QRFPR: variants seen among roughly 807,000 people sequenced by gnomAD.
QRFPR encodes the protein pyroglutamylated RF-amide peptide receptor.
QRFPR carries 37 observed loss-of-function variants against 31.3 expected under a neutral mutation model. The observed-to-expected ratio is 1.18, with a 90% CI of 0.91 to 1.56. The LOEUF is 1.56. QRFPR is among the 40% of genes most tolerant of loss of function. The pLI is 0.00. For missense variants in QRFPR, 542 were observed against 532.5 expected (o/e 1.02, Z -0.18); for synonymous variants, 197 against 192.0 (o/e 1.03, Z -0.22).
intron 1 of QRFPR, among the ~76,000 whole-genome samples, 177 bp from the exon 2 acceptor site, chr4:121,340,787 C>A (rs949679173): frequency 2.6e-5 from 4 of 152,118 alleles, no homozygotes; most frequent in African/African-American, 7.2e-5. Flanking sequence ...TATCTTTCTC[C>A]CTCTAACTGA....
chr4:121,337,031 C>G (rs1725449342), intron 2 of QRFPR, among the ~76,000 whole-genome samples, 163 bp from the exon 3 acceptor site: 1 of 152,250 alleles, frequency 6.6e-6, no homozygotes, highest in Non-Finnish European at 1.5e-5. Context: ...TTTCACCATC[C>G]TCAAAACTGC....
intron 1 of QRFPR, among the ~76,000 whole-genome samples, chr4:121,374,334 G>C (rs1579592786): frequency 6.6e-6 from 1 of 152,076 alleles, no homozygotes; most frequent in East Asian, 1.9e-4. Context: ...ATATATAATA[G>C]CTATATTGAG....
Position 121,380,591 on chromosome 4 carries a change from G to T in QRFPR, c.57C>A (p.Asn19Lys), listed in dbSNP as rs1286826410. The T allele has an allele frequency of 6.2e-7, 1 of 1,605,264 alleles. No individual in the cohort carries two copies. Among genetic ancestry groups the T allele is most frequent in the East Asian group, 2.2e-5 (1 of 44,570 alleles). Residue 19 changes from asparagine to lysine, a missense_variant, in exon 1 of 6, where the codon AAC (asparagine) becomes AAA (lysine). Asn to Lys is a moderately conservative substitution (Grantham distance 94). Transcript: ENST00000394427. Reference protein sequence around the residue: ...EQFSRLLRDHNLTREQFIALY... With the variant: ...EQFSRLLRDHKLTREQFIALY... ...GAGCGATGAACTGCTCCCGCGTCAG[G>T]TTGTGGTCCCGCAGCAGCCGAGAGA...
chr4:121,355,811 T>G (rs1234021933), intron 1 of QRFPR, among the ~76,000 whole-genome samples: 3 of 152,148 alleles, frequency 2.0e-5, no homozygotes, highest in African/African-American at 7.2e-5. Flanking sequence ...AATTTCTTTA[T>G]TGATGCATTG....
At position 121,364,451 on chromosome 4, in the gene QRFPR, A is replaced by G. The variant is rs780651043; in HGVS notation, c.340+15857T>C. Among the ~76,000 whole-genome samples the G allele has an allele frequency of 5.5e-4, 82 of 149,632 alleles. 12 individuals carry two copies. The highest frequency in any genetic ancestry group is 1.8e-4 in the Non-Finnish European group (12 of 67,444). The stretch of plus-strand genomic sequence containing the variant: ...GGAGATCGAGACTATCTTAGCTAAC[A>G]TGGTGAACCCCTGTCTCTACTAAAA... On this transcript the variant is annotated intron_variant, in intron 1 of 5. Transcript: ENST00000394427.
intron 1 of QRFPR, among the ~76,000 whole-genome samples, chr4:121,359,755 G>GGGAGTGTATATATATATATA (rs1320193984): frequency 6.4e-5 from 9 of 140,548 alleles, no homozygotes; most frequent in African/African-American, 2.0e-4. Context: ...GTGTATATAT[G>GGGAGTGTATATATATATATA]GGAGTGTATA....
rs905895951 is a variant in QRFPR at position 121,363,557 on chromosome 4, C to T, written c.340+16751G>A. On this transcript the variant is annotated intron_variant, in intron 1 of 5. Transcript: ENST00000394427. ...ATACTGGACCCCAAATCTAGGCCAA[C>T]AAGGTTCCTTCTTTCTCTTTGGAAA... 3.3e-5 allele frequency among the ~76,000 whole-genome samples: 5 copies of T among 149,744 alleles called. 1 individual carries two copies. Among genetic ancestry groups the T allele is most frequent in the Admixed American group, 2.7e-4 (4 of 15,060 alleles).
rs548611918 is a variant in QRFPR, at chr4:121,368,440, G to T, written c.340+11868C>A. The stretch of plus-strand genomic sequence containing the variant: ...AAATTAATCTCACTTTAAAGTGCAA[G>T]AAAGGCTCTGCTAGACTAGTGTTTG... On this transcript the variant is annotated intron_variant, in intron 1 of 5. Transcript: ENST00000394427. 5.1e-4 allele frequency among the ~76,000 whole-genome samples: 77 copies of T among 150,612 alleles called. 7 individuals carry two copies. Among genetic ancestry groups the T allele is most frequent in the African/African-American group, 1.7e-3 (71 of 40,824 alleles).
chr4:121,356,734 C>T (rs377625693), intron 1 of QRFPR, among the ~76,000 whole-genome samples: 16 of 152,068 alleles, frequency 1.1e-4, no homozygotes, highest in African/African-American at 3.6e-4. Flanking sequence ...CAGCTCTCCT[C>T]TCTCTCTCTT....
At chr4:121,332,248 G>A (rs2110466374) in intron 4 of QRFPR, among the ~76,000 whole-genome samples, 2 of 152,218 alleles carry the variant, frequency 1.3e-5, no homozygotes, top group South Asian at 4.2e-4. Flanking sequence ...ATAGCAGTAA[G>A]TCATGTTTTA....
At position 121,333,056 on chromosome 4, in the gene QRFPR, T is replaced by C; in HGVS notation, c.562A>G (p.Ile188Val). ...TTTTCATATAGGAAGTCATATTTGA[T>C]CTTCATAATAAGAATAATTCATTAA... ...SPMWHVQQLE[I>V]KYDFLYEKEH... The change falls in exon 4 of 6, where the codon ATC becomes GTC. Residue 188 changes from isoleucine to valine, a missense_variant and splice_region_variant. Transcript: ENST00000394427. 3 of 1,589,468 alleles carry C rather than the reference T, an allele frequency of 1.9e-6. No individual in the cohort carries two copies. The highest frequency in any genetic ancestry group is 1.7e-4 in the Middle Eastern group (1 of 6,034).
chr4:121,371,233 G>A (rs888519620), intron 1 of QRFPR, among the ~76,000 whole-genome samples: 1 of 152,196 alleles, frequency 6.6e-6, no homozygotes, highest in Non-Finnish European at 1.5e-5. Flanking sequence ...CAAGCTACAG[G>A]TAGGACTAAT....
intron 1 of QRFPR, among the ~76,000 whole-genome samples, chr4:121,352,924 AT>A (rs953769177): frequency 2.0e-5 from 3 of 151,292 alleles, no homozygotes; most frequent in African/African-American, 2.4e-5. Flanking sequence ...CCAAAAGTTC[AT>A]TTTTTTTCTT....
intron 1 of QRFPR, among the ~76,000 whole-genome samples, chr4:121,348,375 T>C (rs1329230555): frequency 1.3e-5 from 2 of 152,114 alleles, no homozygotes; most frequent in Non-Finnish European, 2.9e-5. Flanking sequence ...ACTTTTAACA[T>C]CACATATATT....
chr4:121,367,645 C>G (rs1388349803), intron 1 of QRFPR, among the ~76,000 whole-genome samples: 1 of 150,214 alleles, frequency 6.7e-6, no homozygotes, highest in East Asian at 2.0e-4. Flanking sequence ...ATTCTACACA[C>G]AAATGTAGCT....
chr4:121,359,633 A>ATATG (rs1553947428), intron 1 of QRFPR, among the ~76,000 whole-genome samples: 2 of 150,002 alleles, frequency 1.3e-5, no homozygotes, highest in African/African-American at 2.5e-5. Flanking sequence ...TCATATATAT[A>ATATG]TGTGTGTGTG....
chr4:121,348,651 A>G (rs531735888), intron 1 of QRFPR, among the ~76,000 whole-genome samples: 5 of 152,158 alleles, frequency 3.3e-5, no homozygotes, highest in Admixed American at 6.5e-5. Flanking sequence ...TAAGCTCTTT[A>G]CATTCTTATA....
At chr4:121,333,334 C>T (rs1046991681) in intron 3 of QRFPR, among the ~76,000 whole-genome samples, 2 of 152,290 alleles carry the variant, frequency 1.3e-5, no homozygotes, top group African/African-American at 4.8e-5. Context: ...TTCTCAACTT[C>T]TATTTCCACT....
chr4:121,355,818 A>T (rs983269373), intron 1 of QRFPR, among the ~76,000 whole-genome samples: 1 of 151,846 alleles, frequency 6.6e-6, no homozygotes, highest in Admixed American at 6.6e-5. Flanking sequence ...TTATTGATGC[A>T]TTGGTCATTG....
Sources: allele counts gnomAD v4.1 joint callset (sites outside exome capture counted in the v4.1 genomes callset), GRCh38; gene constraint gnomAD v4.1.1; transcripts MANE v1.5; gene names NCBI Gene and HGNC (gene_info 2026-07-23, HGNC 2026-07-21).